The following RNF212B variants were observed in gnomAD, a reference collection of about 807,000 sequenced individuals.
RNF212B encodes the protein ring finger protein 212B.
Under a neutral mutation model 55.5 loss-of-function variants are expected in RNF212B, and 52 were observed. That is an observed-to-expected ratio of 0.94 (90% CI 0.75 to 1.18). The LOEUF (loss-of-function observed/expected upper bound fraction) is 1.18. Ranked by LOEUF, RNF212B falls within the 50% of genes most tolerant of loss-of-function variation. The probability of loss-of-function intolerance (pLI) is 0.00; values close to 1 mark genes in which losing one functional copy is unlikely to be tolerated. For missense variants in RNF212B, 289 were observed against 350.4 expected, an observed-to-expected ratio of 0.82 and a Z score of 1.40; for synonymous variants, 99 against 121.4, an observed-to-expected ratio of 0.82 and a Z score of 1.21.
chr14:23,261,260 G>T, intron 7 of RNF212B: 1 of 224,150 alleles, frequency 4.5e-6, no homozygotes, highest in South Asian at 6.2e-5. Flanking sequence ...ATAACCTAAT[G>T]CTTGTTTGGA....
chr14:23,213,806 A>G (rs1283323519), intron 2 of RNF212B, among the ~76,000 whole-genome samples: 4 of 152,222 alleles, frequency 2.6e-5, no homozygotes, highest in Non-Finnish European at 5.9e-5. Flanking sequence ...GCCTCACAAA[A>G]TAATACTCAA....
At chr14:23,257,619 G>A (rs1046758317) in intron 4 of RNF212B, among the ~76,000 whole-genome samples, 5 of 152,176 alleles carry the variant, frequency 3.3e-5, no homozygotes, top group Admixed American at 3.3e-4. Context: ...ATACTGCTGT[G>A]TACTCAAAAG....
chr14:23,196,301 C>T (rs2140361654), intron 2 of RNF212B, among the ~76,000 whole-genome samples: 1 of 152,280 alleles, frequency 6.6e-6, no homozygotes, highest in South Asian at 2.1e-4. Flanking sequence ...GCCTGCCCCG[C>T]TCCGCCATTA....
At chr14:23,211,696 C>T (rs1214775712) in intron 2 of RNF212B, among the ~76,000 whole-genome samples, 2 of 152,126 alleles carry the variant, frequency 1.3e-5, no homozygotes, top group African/African-American at 4.8e-5. Context: ...ATGTAATTCA[C>T]CATAGAGACA....
intron 4 of RNF212B, among the ~76,000 whole-genome samples, chr14:23,257,635 C>A (rs1053771641): frequency 2.6e-5 from 4 of 152,140 alleles, no homozygotes; most frequent in Non-Finnish European, 5.9e-5. Flanking sequence ...AAAAGTAGAG[C>A]CTGACAAAGC....
chr14:23,197,187 A>C (rs1430715072), intron 2 of RNF212B, among the ~76,000 whole-genome samples: 1 of 152,252 alleles, frequency 6.6e-6, no homozygotes, highest in East Asian at 1.9e-4. Context: ...AAGTGTTATT[A>C]GTACATAAGT....
intron 3 of RNF212B, among the ~76,000 whole-genome samples, 192 bp from the exon 4 acceptor site, chr14:23,244,130 T>C (rs367726814): frequency 1.3e-5 from 2 of 152,052 alleles, no homozygotes; most frequent in East Asian, 3.9e-4. Flanking sequence ...TTGTGACCAC[T>C]GTTACAGAAG....
In RNF212B at chr14:23,254,242, A is replaced by G. The variant is rs1012689616; in HGVS notation, c.229-4307A>G. On this transcript the variant is annotated intron_variant, in intron 4 of 14. Transcript: ENST00000430154. ...TGAGCCTGCAGTGAACTGTGAACAA[A>G]CCCCTGCACTCCAGCCTGGGTGACA... 5.3e-5 allele frequency among the ~76,000 whole-genome samples: 8 copies of G among 151,638 alleles called. 1 individual carries two copies. The highest frequency in any genetic ancestry group is 1.0e-4 in the Non-Finnish European group (7 of 67,932).
intron 11 of RNF212B, among the ~76,000 whole-genome samples, chr14:23,264,891 G>A (rs1885570780): frequency 6.6e-6 from 1 of 150,598 alleles, no homozygotes. Flanking sequence ...GCATGATCTC[G>A]GCTCACCACA....
At position 23,228,334 on chromosome 14, in the gene RNF212B, G is replaced by C. The variant is rs114658057; in HGVS notation, c.-1-12011G>C. 7.7e-3 allele frequency among the ~76,000 whole-genome samples: 1,166 copies of C among 151,280 alleles called. 20 individuals are homozygous for C. The highest frequency in any genetic ancestry group is 0.027 in the African/African-American group (1,107 of 41,222). Reference sequence around the variant, plus strand: ...GAATGGTCAAAGCAACTCTGCAAAAGAACAGGCTGGCCAGGCGCAGTGGAT... The same window carrying C: ...GAATGGTCAAAGCAACTCTGCAAAACAACAGGCTGGCCAGGCGCAGTGGAT... On this transcript the variant is annotated intron_variant, in intron 2 of 15. Coordinates refer to the RNF212B transcript ENST00000399910.
chr14:23,232,169 C>A (rs942036033), intron 2 of RNF212B, among the ~76,000 whole-genome samples: 1 of 151,876 alleles, frequency 6.6e-6, no homozygotes, highest in African/African-American at 2.4e-5. Flanking sequence ...AGGGCCTCTT[C>A]CCCGCCGCCA....
chr14:23,225,085 A>G (rs1330740151), intron 2 of RNF212B, among the ~76,000 whole-genome samples: 1 of 152,114 alleles, frequency 6.6e-6, no homozygotes. Context: ...CCCACACAAA[A>G]AAAAAACACC....
At chr14:23,263,728 T>C (rs1885471484) in intron 9 of RNF212B, among the ~76,000 whole-genome samples, 1 of 152,134 alleles carries the variant, frequency 6.6e-6, no homozygotes. Context: ...GGAGACTTTC[T>C]ATTAGTGACA....
chr14:23,242,081 CAAAA>C (rs58497672), intron 2 of RNF212B, among the ~76,000 whole-genome samples: 25 of 36,634 alleles, frequency 6.8e-4, no homozygotes, highest in Non-Finnish European at 1.1e-3. Context: ...GACTCCGTCT[CAAAA>C]AAAAAAAAAA....
upstream of RNF212B, among the ~76,000 whole-genome samples, chr14:23,234,655 C>T (rs1019376137): frequency 7.9e-5 from 12 of 152,062 alleles, no homozygotes; most frequent in African/African-American, 2.9e-4. Flanking sequence ...CATTGGTCTA[C>T]ACGTTTATGC....
chr14:23,242,472 G>C (rs1315924476), intron 2 of RNF212B, among the ~76,000 whole-genome samples: 1 of 152,238 alleles, frequency 6.6e-6, no homozygotes, highest in Non-Finnish European at 1.5e-5. Flanking sequence ...GCAAAGTGAT[G>C]ACAAGGTAGG....
At chr14:23,237,923 G>C (rs1349798147), upstream of RNF212B, among the ~76,000 whole-genome samples, 1 of 152,106 alleles carries the variant, frequency 6.6e-6, no homozygotes, top group Non-Finnish European at 1.5e-5. Context: ...ACACCGCCTC[G>C]GCTGCGCCCA....
intron 2 of RNF212B, among the ~76,000 whole-genome samples, chr14:23,241,115 C>A (rs1455279381): frequency 1.3e-5 from 2 of 151,998 alleles, no homozygotes; most frequent in East Asian, 3.9e-4. Flanking sequence ...GTGTTTTGAT[C>A]ACGGAAGACT....
intron 7 of RNF212B, among the ~76,000 whole-genome samples, chr14:23,262,221 T>C (rs1885348757): frequency 6.6e-6 from 1 of 152,194 alleles, no homozygotes; most frequent in Non-Finnish European, 1.5e-5. Context: ...CTAGTTATCT[T>C]TGTAATCTCA....
Sources: gnomAD v4.1 joint callset for allele counts (sites outside exome capture counted in the v4.1 genomes callset) on GRCh38, gnomAD v4.1.1 for gene constraint, MANE v1.5 for transcripts, NCBI Gene and HGNC (gene_info 2026-07-23, HGNC 2026-07-21) for gene names.